Variants in ADK observed in about 807,000 individuals in gnomAD.
The protein encoded by ADK is adenosine kinase, also known as N6,N6-dimethyladenosine kinase.
Under a neutral mutation model 44.7 loss-of-function variants are expected in ADK, and 24 were observed. The observed-to-expected ratio is 0.54, with a 90% confidence interval of 0.39 to 0.76. The LOEUF is 0.76. Ranked by LOEUF, ADK falls within the 30% of genes least tolerant of loss-of-function variation. The pLI, the probability that ADK is intolerant of heterozygous loss-of-function variation, is 0.00. For synonymous variants in ADK, 128 were observed against 142.6 expected, an observed-to-expected ratio of 0.90 and a Z score of 0.73; for missense variants, 321 against 425.1, an observed-to-expected ratio of 0.76 and a Z score of 2.15.
At chr10:74,422,483 C>T (rs1844593388) in intron 6 of ADK, among the ~76,000 whole-genome samples, 1 of 152,056 alleles carries the variant, frequency 6.6e-6, no homozygotes, top group African/African-American at 2.4e-5. Context: ...GTCAATAATC[C>T]ACCAACATTG....
intron 9 of ADK, among the ~76,000 whole-genome samples, chr10:74,650,174 C>T (rs1473004343): frequency 6.6e-6 from 1 of 152,150 alleles, no homozygotes; most frequent in Admixed American, 6.5e-5. Context: ...AGTCCCAACA[C>T]TCTGGGAGGC....
chr10:74,153,979 C>A (rs188055795), intron 1 of ADK, among the ~76,000 whole-genome samples: 2 of 152,184 alleles, frequency 1.3e-5, no homozygotes, highest in East Asian at 3.9e-4. Flanking sequence ...GGCACAGGTA[C>A]CATCCTCTTG....
intron 6 of ADK, among the ~76,000 whole-genome samples, chr10:74,454,546 G>A (rs1347710743): frequency 6.6e-6 from 1 of 152,150 alleles, no homozygotes; most frequent in Non-Finnish European, 1.5e-5. Flanking sequence ...TTCTTAAGCA[G>A]TTAACTTCTG....
intron 6 of ADK, among the ~76,000 whole-genome samples, chr10:74,509,180 C>T (rs1330777032): frequency 6.6e-6 from 1 of 151,788 alleles, no homozygotes. Context: ...TGTACATATT[C>T]ATGGAATACA....
In ADK at chr10:74,509,627, A is replaced by G. The variant is rs1194540170; in HGVS notation, c.556-15629A>G. 4 of 152,214 alleles carry G rather than the reference A, an allele frequency of 2.6e-5. No homozygotes were observed. In the East Asian group the frequency reaches 5.8e-4, roughly 22 times the overall value. 9.4% of individuals were successfully genotyped at this position (152,214 alleles called of 1,614,324 possible). On this transcript the variant is annotated intron_variant, in intron 6 of 10. Coordinates refer to ENST00000539909, the MANE Select transcript of ADK (RefSeq NM_006721.4). ...CATCTACCTATTTAAACTATTTAATATATTTTTGTTAACTAAATAGTCATC... is the reference window on the plus strand; with the variant it reads ...CATCTACCTATTTAAACTATTTAATGTATTTTTGTTAACTAAATAGTCATC...
intron 3 of ADK, among the ~76,000 whole-genome samples, chr10:74,279,063 G>A (rs889061821): frequency 6.6e-6 from 1 of 151,550 alleles, no homozygotes; most frequent in Non-Finnish European, 1.5e-5. Context: ...GGTGGATCAC[G>A]AGATCAGGAA....
At position 74,218,878 on chromosome 10, in the gene ADK, A is replaced by T. The variant is rs11527423; in HGVS notation, c.141-5660A>T. 2.3e-3 allele frequency among the ~76,000 whole-genome samples: 357 copies of T among 152,264 alleles called. 5 individuals carry two copies. In the East Asian group the frequency reaches 0.029, roughly 12 times the overall value. On this transcript the variant is annotated intron_variant, in intron 2 of 10. Transcript: ENST00000539909. ...GAGCTCCTGAAGGAAGCACTAAACA[A>T]GGAAAGGAACAACCGGTACCAGCTG...
At chr10:74,632,326 G>A (rs1266837782) in intron 9 of ADK, among the ~76,000 whole-genome samples, 2 of 152,108 alleles carry the variant, frequency 1.3e-5, no homozygotes, top group African/African-American at 2.4e-5. Flanking sequence ...CTATTGCATG[G>A]TTTATTCATT....
At chr10:74,609,873 A>G (rs1852478089) in intron 9 of ADK, among the ~76,000 whole-genome samples, 2 of 152,076 alleles carry the variant, frequency 1.3e-5, no homozygotes, top group African/African-American at 4.8e-5. Flanking sequence ...CTGTAAATCT[A>G]AAGTATTTTC....
chr10:74,584,003 G>A (rs143165134), intron 7 of ADK, among the ~76,000 whole-genome samples: 2 of 152,266 alleles, frequency 1.3e-5, no homozygotes, highest in East Asian at 3.9e-4. Flanking sequence ...AGAGAGAGAA[G>A]GCTTGTGATC....
intron 6 of ADK, among the ~76,000 whole-genome samples, chr10:74,487,249 T>G (rs995756558): frequency 6.6e-6 from 1 of 152,104 alleles, no homozygotes; most frequent in South Asian, 2.1e-4. Context: ...CTAATTTTTG[T>G]ACTTGCTAAT....
intron 6 of ADK, among the ~76,000 whole-genome samples, chr10:74,406,780 A>T (rs1244360598): frequency 6.6e-6 from 1 of 151,874 alleles, no homozygotes; most frequent in African/African-American, 2.4e-5. Context: ...TCCTGGGTTC[A>T]AGTGATTCTC....
intron 6 of ADK, among the ~76,000 whole-genome samples, chr10:74,404,714 C>T (rs376136937): frequency 5.3e-5 from 8 of 152,058 alleles, no homozygotes; most frequent in African/African-American, 9.7e-5. Flanking sequence ...AGACCAGGTG[C>T]GGTGGCTCAC....
chr10:74,495,281 T>C (rs758777967), intron 6 of ADK, among the ~76,000 whole-genome samples: 4 of 152,058 alleles, frequency 2.6e-5, no homozygotes, highest in Non-Finnish European at 4.4e-5. Flanking sequence ...ATTTTTTCTT[T>C]CTTTTTGATT....
chr10:74,622,063 C>T (rs988588462), intron 9 of ADK, among the ~76,000 whole-genome samples: 2 of 152,174 alleles, frequency 1.3e-5, no homozygotes, highest in Non-Finnish European at 2.9e-5. Context: ...GTCCTGCTTC[C>T]TGACAAGTGT....
intron 1 of ADK, among the ~76,000 whole-genome samples, chr10:74,194,639 C>G (rs546827713): frequency 6.6e-6 from 1 of 152,236 alleles, no homozygotes; most frequent in South Asian, 2.1e-4. Flanking sequence ...AAAACAATTG[C>G]TAACAATGTA....
In ADK at chr10:74,180,456, C is replaced by CTT. The variant is rs1199684944; in HGVS notation, c.66-20288_66-20287dup. Among the ~76,000 whole-genome samples the CTT allele has an allele frequency of 9.8e-3, 670 of 68,194 alleles. 23 individuals are homozygous for CTT. Among genetic ancestry groups the CTT allele is most frequent in the African/African-American group, 0.021 (313 of 14,750 alleles). 44.7% of individuals were successfully genotyped at this position (68,194 alleles called of 152,430 possible). On this transcript the variant is annotated intron_variant, in intron 1 of 10. Transcript: ENST00000539909. ...GTTTCATCATGTTGGCCAGGCTAGT[C>CTT]TTTTTTTTTTTTTTTTTTTTTGAGA...
chr10:74,542,903 TA>T (rs1225121479), intron 7 of ADK, among the ~76,000 whole-genome samples: 27 of 151,670 alleles, frequency 1.8e-4, no homozygotes, highest in African/African-American at 5.8e-4. Flanking sequence ...TTTATTTATT[TA>T]TTTATTTTTT....
chr10:74,177,923 TTATATATA>T (rs1192890268), intron 1 of ADK, among the ~76,000 whole-genome samples: 2 of 130,322 alleles, frequency 1.5e-5, no homozygotes, highest in African/African-American at 2.8e-5. Context: ...AATTGCATAA[TTATATATA>T]TATATATATA....
Sources: allele counts gnomAD v4.1 joint callset (sites outside exome capture counted in the v4.1 genomes callset), GRCh38; gene constraint gnomAD v4.1.1; transcripts MANE v1.5; gene names NCBI Gene and HGNC (gene_info 2026-07-23, HGNC 2026-07-21).